BCL9: variants seen among roughly 807,000 people sequenced by gnomAD.
The protein encoded by BCL9 is BCL9 transcription coactivator.
In BCL9, 25 loss-of-function variants were observed where a neutral mutation model predicts 88.5. That is an observed-to-expected ratio of 0.28 (90% CI 0.21 to 0.39). The LOEUF (loss-of-function observed/expected upper bound fraction) is 0.39. Among genes scored for constraint, BCL9 ranks in the 10% least tolerant of loss-of-function variants. The pLI is 1.00. For missense variants in BCL9, 1,817 were observed against 1,877.8 expected (o/e 0.97, Z 0.60); for synonymous variants, 711 against 673.3 (o/e 1.06, Z -0.87).
chr1:147,564,200 T>C (rs1655506445), intron 1 of BCL9, among the ~76,000 whole-genome samples: 1 of 152,166 alleles, frequency 6.6e-6, no homozygotes, highest in Non-Finnish European at 1.5e-5. Context: ...CTCGTAGGAT[T>C]GTTCTGTTGA....
chr1:147,562,587 G>A lies in BCL9; in HGVS notation c.-478+20913G>A, dbSNP rs996074520. 2.0e-5 allele frequency among the ~76,000 whole-genome samples: 3 copies of A among 152,192 alleles called. No individual in the cohort carries two copies. In the South Asian group the frequency reaches 6.2e-4, roughly 32 times the overall value. On this transcript the variant is annotated intron_variant, in intron 1 of 9. Transcript: ENST00000234739. ...TGATAAGGACTTGAATTAGAAAGCT[G>A]GCAATAAAAATGCAAAGGGGAGTTG...
chr1:147,567,673 AG>A (rs2101519632), intron 1 of BCL9, among the ~76,000 whole-genome samples: 1 of 152,328 alleles, frequency 6.6e-6, no homozygotes, highest in East Asian at 1.9e-4. Flanking sequence ...ACTCTGTTGA[AG>A]GAAAATATGT....
At chr1:147,598,415 C>A (rs1281517250) in intron 1 of BCL9, among the ~76,000 whole-genome samples, 1 of 152,126 alleles carries the variant, frequency 6.6e-6, no homozygotes, top group Non-Finnish European at 1.5e-5. Flanking sequence ...GCAGGGGAGG[C>A]GGCTATGGTA....
At position 147,624,031 on chromosome 1, in the gene BCL9, C is replaced by T. The variant is rs587745620; in HGVS notation, c.3353C>T (p.Pro1118Leu). ...PMGPGLMSHNPIMGHGSQEPP... is the reference protein window; with the variant it reads ...PMGPGLMSHNLIMGHGSQEPP... The stretch of plus-strand genomic sequence containing the variant: ...GGGCCTGGCTTGATGTCACACAATC[C>T]TATCATGGGGCATGGGTCCCAGGAG... Residue 1118 changes from proline to leucine, a missense_variant, in exon 10 of 10, where the codon CCT becomes CTT. Transcript: ENST00000234739. This position sits in a 1 kb window ranked among gnomAD's most constrained non-coding sequence, Gnocchi z 4.4. The T allele has an allele frequency of 6.2e-7, 1 of 1,614,192 alleles. No homozygotes were observed. Among genetic ancestry groups the T allele is most frequent in the South Asian group, 1.1e-5 (1 of 91,086 alleles).
intron 1 of BCL9, among the ~76,000 whole-genome samples, chr1:147,579,693 C>G (rs1541187): frequency 1.3e-5 from 2 of 152,034 alleles, no homozygotes; most frequent in Non-Finnish European, 2.9e-5. Flanking sequence ...TTTCCTTGCA[C>G]GTAATGAGAG....
chr1:147,614,345 G>A, intron 5 of BCL9, 82 bp from the exon 6 acceptor site: 1 of 1,361,432 alleles, frequency 7.3e-7, no homozygotes, highest in Non-Finnish European at 1.0e-6. Context: ...TTCTCAAGGT[G>A]GGTTTGTGTT....
intron 1 of BCL9, among the ~76,000 whole-genome samples, chr1:147,603,273 G>A (rs1161149465): frequency 6.6e-6 from 1 of 152,216 alleles, no homozygotes; most frequent in African/African-American, 2.4e-5. Context: ...TGGCAAGACA[G>A]TAATAGTGAT....
At chr1:147,550,911 C>G (rs1360982573) in intron 1 of BCL9, among the ~76,000 whole-genome samples, 3 of 152,168 alleles carry the variant, frequency 2.0e-5, no homozygotes, top group South Asian at 2.1e-4. Flanking sequence ...GACTGATACA[C>G]ATTACCTGAT....
chr1:147,604,207 T>C (rs1657537953), intron 1 of BCL9, among the ~76,000 whole-genome samples: 2 of 152,206 alleles, frequency 1.3e-5, no homozygotes, highest in Non-Finnish European at 2.9e-5. Context: ...AATGAACATC[T>C]GAGCTTTCCC....
Position 147,625,755 on chromosome 1 carries a change from C to A in BCL9, c.*796C>A. 4.3e-6 allele frequency: 1 copy of A among 233,394 alleles called. No individual in the cohort carries two copies. The highest frequency in any genetic ancestry group is 6.1e-5 in the East Asian group (1 of 16,520). 14.5% of individuals were successfully genotyped at this position (233,394 alleles called of 1,614,324 possible). ...GCTCTGTCTCCTCAGTTAAGTGTTT[C>A]CTTCCTTTGTGCCCCCCGCTGGTGA... On this transcript the variant is annotated 3_prime_UTR_variant, in exon 10 of 10. Transcript: ENST00000234739.
intron 3 of BCL9, among the ~76,000 whole-genome samples, chr1:147,608,203 G>C (rs1296084653): frequency 1.3e-5 from 2 of 152,136 alleles, no homozygotes; most frequent in Non-Finnish European, 2.9e-5. Flanking sequence ...TGATCTGGGG[G>C]TGGAAGTTGG....
chr1:147,605,817 G>A (rs750182798), intron 2 of BCL9, among the ~76,000 whole-genome samples: 2 of 152,264 alleles, frequency 1.3e-5, no homozygotes, highest in South Asian at 2.1e-4. Context: ...TTGATACTAT[G>A]CCTTTTATGG....
intron 1 of BCL9, among the ~76,000 whole-genome samples, chr1:147,567,337 A>T (rs868965107): frequency 6.6e-6 from 1 of 152,166 alleles, no homozygotes; most frequent in Non-Finnish European, 1.5e-5. Flanking sequence ...CTTAATGGAG[A>T]TTATTGATAC....
At position 147,562,317 on chromosome 1, in the gene BCL9, G is replaced by A. The variant is rs111869555; in HGVS notation, c.-478+20643G>A. On this transcript the variant is annotated intron_variant, in intron 1 of 9. Coordinates refer to ENST00000234739, the MANE Select transcript of BCL9 (RefSeq NM_004326.4). ...GCACTCCAGACTGGACAACAAGAGC[G>A]AAATTCCATCTCAAAAATAAATAAA... Among the ~76,000 whole-genome samples the A allele has an allele frequency of 3.1e-3, 474 of 151,950 alleles. 6 individuals carry two copies. Among genetic ancestry groups the A allele is most frequent in the African/African-American group, 0.011 (462 of 41,330 alleles).
intron 1 of BCL9, among the ~76,000 whole-genome samples, chr1:147,603,833 T>C (rs1422947862): frequency 1.3e-5 from 2 of 152,152 alleles, no homozygotes; most frequent in Non-Finnish European, 2.9e-5. Flanking sequence ...AACCTTATAA[T>C]GTCCCATGTG....
chr1:147,604,623 G>A (rs1385933970), intron 1 of BCL9, among the ~76,000 whole-genome samples, 154 bp from the exon 2 acceptor site: 1 of 150,796 alleles, frequency 6.6e-6, no homozygotes, highest in Non-Finnish European at 1.5e-5. Flanking sequence ...AGTTTTAGTG[G>A]TTTTGCCTTC....
chr1:147,565,696 T>G (rs1655566144), intron 1 of BCL9, among the ~76,000 whole-genome samples: 1 of 152,164 alleles, frequency 6.6e-6, no homozygotes, highest in Admixed American at 6.5e-5. Flanking sequence ...AATTATGAAA[T>G]ATTGGATCTT....
At chr1:147,575,856 T>C (rs1259435924) in intron 1 of BCL9, among the ~76,000 whole-genome samples, 7 of 148,058 alleles carry the variant, frequency 4.7e-5, no homozygotes, top group African/African-American at 1.8e-4. Context: ...AGAACTTATA[T>C]GCATTTATAC....
At chr1:147,542,810 G>A (rs1654395049) in intron 1 of BCL9, among the ~76,000 whole-genome samples, 1 of 152,194 alleles carries the variant, frequency 6.6e-6, no homozygotes, top group South Asian at 2.1e-4. Flanking sequence ...GCTTGAGCGA[G>A]AAAATGTGCC....
Sources: gnomAD v4.1 joint callset for allele counts (sites outside exome capture counted in the v4.1 genomes callset) on GRCh38, gnomAD v4.1.1 for gene constraint, Gnocchi (gnomAD v3.1) non-coding constraint, MANE v1.5 for transcripts, NCBI Gene and HGNC (gene_info 2026-07-23, HGNC 2026-07-21) for gene names.